Variants in GNAQ observed in about 807,000 individuals in gnomAD.
The protein encoded by GNAQ is guanine nucleotide-binding protein G(q) subunit alpha.
Under a neutral mutation model 43.9 loss-of-function variants are expected in GNAQ, and 8 were observed. That is an observed-to-expected ratio of 0.18 (90% confidence interval 0.11 to 0.33). The LOEUF (loss-of-function observed/expected upper bound fraction) is 0.33. GNAQ is among the 10% of genes least tolerant of loss of function. The pLI is 1.00. For missense variants in GNAQ, 158 were observed against 450.8 expected, an observed-to-expected ratio of 0.35 and a Z score of 5.88; for synonymous variants, 155 against 170.7, an observed-to-expected ratio of 0.91 and a Z score of 0.71.
intron 1 of GNAQ, among the ~76,000 whole-genome samples, chr9:77,931,455 G>A (rs933268471): frequency 6.6e-6 from 1 of 152,076 alleles, no homozygotes; most frequent in Non-Finnish European, 1.5e-5. Flanking sequence ...GCCAGGCATG[G>A]TGGCAAGCAC....
chr9:77,910,037 G>C (rs1275428686), intron 2 of GNAQ, among the ~76,000 whole-genome samples: 2 of 152,152 alleles, frequency 1.3e-5, no homozygotes, highest in Admixed American at 6.6e-5. Flanking sequence ...CATAGCAGGT[G>C]TAAGTAATTT....
intron 1 of GNAQ, among the ~76,000 whole-genome samples, chr9:77,993,933 T>C (rs1355952646): frequency 1.3e-5 from 2 of 152,184 alleles, no homozygotes; most frequent in Non-Finnish European, 2.9e-5. Context: ...GTAAAATCCT[T>C]AAGAAATGAA....
At chr9:77,979,971 G>C (rs748990356) in intron 1 of GNAQ, among the ~76,000 whole-genome samples, 14 of 152,228 alleles carry the variant, frequency 9.2e-5, no homozygotes, top group Non-Finnish European at 1.8e-4. Flanking sequence ...ATCTAGAAGA[G>C]AGAAAGCTGC....
At chr9:77,960,727 A>G (rs1292623708) in intron 1 of GNAQ, among the ~76,000 whole-genome samples, 1 of 152,194 alleles carries the variant, frequency 6.6e-6, no homozygotes, top group Non-Finnish European at 1.5e-5. Context: ...AGATGGGAAA[A>G]ACTAGCTAAA....
intron 5 of GNAQ, among the ~76,000 whole-genome samples, chr9:77,783,677 C>T (rs1389586091): frequency 6.6e-6 from 1 of 152,170 alleles, no homozygotes; most frequent in African/African-American, 2.4e-5. Flanking sequence ...GTCTTCTAAC[C>T]TAGGGCTGAG....
At chr9:77,868,273 G>A (rs1827980204) in intron 2 of GNAQ, among the ~76,000 whole-genome samples, 1 of 152,140 alleles carries the variant, frequency 6.6e-6, no homozygotes, top group African/African-American at 2.4e-5. Context: ...TTGGTGTTCA[G>A]TATTAATGGT....
In GNAQ at chr9:78,029,293, T is replaced by TA. The variant is rs200695330; in HGVS notation, c.136+1806dup. ...AAAGACTGTCAACAGGGCAATAAAATAAAAAAAAAACACAATTCTTAAAAC... is the reference window on the plus strand; with the variant it reads ...AAAGACTGTCAACAGGGCAATAAAATAAAAAAAAAAACACAATTCTTAAAAC... On this transcript the variant is annotated intron_variant, in intron 1 of 6. Coordinates refer to ENST00000286548, the MANE Select transcript of GNAQ (RefSeq NM_002072.5). Among the ~76,000 whole-genome samples, 419 of 147,456 alleles carry TA rather than the reference T, an allele frequency of 2.8e-3. 3 individuals carry two copies. The highest frequency in any genetic ancestry group is 8.3e-3 in the African/African-American group (335 of 40,182).
intron 5 of GNAQ, among the ~76,000 whole-genome samples, chr9:77,744,241 G>A (rs1157682096): frequency 6.6e-6 from 1 of 152,156 alleles, no homozygotes; most frequent in Non-Finnish European, 1.5e-5. Flanking sequence ...ACTTTGCACT[G>A]AGAAGTGCTC....
At chr9:78,018,357 G>C (rs1823864405) in intron 1 of GNAQ, among the ~76,000 whole-genome samples, 1 of 151,996 alleles carries the variant, frequency 6.6e-6, no homozygotes, top group Non-Finnish European at 1.5e-5. Flanking sequence ...GACTATAAAG[G>C]AATGTGCAAA....
chr9:77,900,241 A>T (rs1376168995), intron 2 of GNAQ, among the ~76,000 whole-genome samples: 3 of 152,224 alleles, frequency 2.0e-5, no homozygotes, highest in Admixed American at 6.5e-5. Context: ...TGGAGGCCAG[A>T]GGTATTCCAC....
At chr9:77,796,912 A>G (rs1826667693) in intron 4 of GNAQ, among the ~76,000 whole-genome samples, 1 of 152,206 alleles carries the variant, frequency 6.6e-6, no homozygotes, top group Admixed American at 6.5e-5. Context: ...TGCCCAAAAA[A>G]TTACAGTTAA....
At chr9:77,972,718 C>G (rs145848658) in intron 1 of GNAQ, among the ~76,000 whole-genome samples, 2,411 of 152,120 alleles carry the variant, frequency 0.016, 37 homozygotes, top group Admixed American at 0.038. Context: ...CTTTGGGAGG[C>G]CGAGGCGGGT....
chr9:77,816,079 T>C (rs1827009183), intron 2 of GNAQ, among the ~76,000 whole-genome samples: 1 of 152,264 alleles, frequency 6.6e-6, no homozygotes, highest in Middle Eastern at 3.4e-3. Context: ...TATTTTCACA[T>C]ATTATCATAA....
chr9:77,961,456 G>T (rs1166234007), intron 1 of GNAQ, among the ~76,000 whole-genome samples: 1 of 152,172 alleles, frequency 6.6e-6, no homozygotes, highest in Non-Finnish European at 1.5e-5. Flanking sequence ...ATGTGCAGAA[G>T]GGTGCCCTTG....
At chr9:77,799,964 C>T (rs1403256127) in intron 3 of GNAQ, among the ~76,000 whole-genome samples, 2 of 152,198 alleles carry the variant, frequency 1.3e-5, no homozygotes, top group East Asian at 3.8e-4. Flanking sequence ...TAAAAATGGA[C>T]TAGACCCAGA....
At chr9:78,031,000 G>A in intron 1 of GNAQ, 100 bp downstream of exon 1, 3 of 886,852 alleles carry the variant, frequency 3.4e-6, no homozygotes, top group East Asian at 3.5e-5. Context: ...GGCGAACCGC[G>A]GGCGCCGGGG....
At chr9:77,866,254 G>C (rs1025532043) in intron 2 of GNAQ, among the ~76,000 whole-genome samples, 4 of 152,142 alleles carry the variant, frequency 2.6e-5, no homozygotes, top group Non-Finnish European at 5.9e-5. Context: ...AAGGCGGGCA[G>C]ATCATTTGAG....
At chr9:77,830,228 C>A (rs1490317052) in intron 2 of GNAQ, among the ~76,000 whole-genome samples, 1 of 152,192 alleles carries the variant, frequency 6.6e-6, no homozygotes, top group Non-Finnish European at 1.5e-5. Flanking sequence ...GCTGGGATTA[C>A]AGGTGTGAGC....
rs373212005 is a variant in GNAQ, at chr9:77,721,374, G to C, written c.1029C>G (p.Ala343=). ...DTENIRFVFA[A]VKDTILQLNL... is the part of the protein sequence containing the mutation. ...TCAACTGGAGGATGGTGTCCTTGAC[G>C]GCAGCAAAGACAAAGCGGATATTCT... Residue 343 remains alanine (A), a synonymous_variant, in exon 7 of 7, where the codon GCC becomes GCG. Transcript: ENST00000286548. The C allele has an allele frequency of 6.2e-7, 1 of 1,613,198 alleles. No individual in the cohort carries two copies. The highest frequency in any genetic ancestry group is 8.5e-7 in the Non-Finnish European group (1 of 1,179,714).
Sources: allele counts gnomAD v4.1 joint callset (sites outside exome capture counted in the v4.1 genomes callset), GRCh38; gene constraint gnomAD v4.1.1; transcripts MANE v1.5; gene names NCBI Gene and HGNC (gene_info 2026-07-23, HGNC 2026-07-21).